Variants in NRG2 observed in about 807,000 individuals in gnomAD.
NRG2 encodes the protein pro-neuregulin-2, membrane-bound isoform.
In NRG2, 27 loss-of-function variants were observed where a neutral mutation model predicts 73.9. The observed-to-expected ratio is 0.37, with a 90% CI of 0.27 to 0.50. NRG2 has a LOEUF of 0.50. Ranked by LOEUF, NRG2 falls within the 20% of genes least tolerant of loss-of-function variation. The pLI is 0.96. For synonymous variants in NRG2, 532 were observed against 541.0 expected (o/e 0.98, Z 0.23); for missense variants, 1,126 against 1,210.1 (o/e 0.93, Z 1.03).
At chr5:140,000,194 G>T (rs1758329879) in intron 1 of NRG2, among the ~76,000 whole-genome samples, 1 of 152,234 alleles carries the variant, frequency 6.6e-6, no homozygotes, top group Non-Finnish European at 1.5e-5. Context: ...GAGGTTCTCA[G>T]ACAAGATATG....
chr5:140,012,350 T>C (rs953386660), intron 1 of NRG2, among the ~76,000 whole-genome samples: 10 of 152,214 alleles, frequency 6.6e-5, no homozygotes, highest in Non-Finnish European at 1.2e-4. Flanking sequence ...CTGGGCTGGA[T>C]TGTAAGCTCT....
At chr5:139,884,823 G>A (rs1240932672) in intron 2 of NRG2, among the ~76,000 whole-genome samples, 1 of 152,228 alleles carries the variant, frequency 6.6e-6, no homozygotes, top group African/African-American at 2.4e-5. Flanking sequence ...AGAGGGGCCT[G>A]TGGTCCAGAA....
Position 140,033,834 on chromosome 5 carries a change from G to A in NRG2, c.700+8536C>T, listed in dbSNP as rs1432098942. ...AAGTGATATGTTAATTATTTTACAT[G>A]CATTATTACATTTAATACTCATAGC... On this transcript the variant is annotated intron_variant, in intron 1 of 9. Transcript: ENST00000361474. Among the ~76,000 whole-genome samples, 3 of 152,090 alleles carry A rather than the reference G, an allele frequency of 2.0e-5. No individual in the cohort carries two copies. The East Asian group carries it at 5.8e-4, about 29-fold the overall frequency.
At chr5:140,030,886 A>G (rs1391643418) in intron 1 of NRG2, among the ~76,000 whole-genome samples, 1 of 152,152 alleles carries the variant, frequency 6.6e-6, no homozygotes, top group Non-Finnish European at 1.5e-5. Context: ...AGACAACTTA[A>G]TGTATATGTT....
chr5:139,974,477 T>C (rs950743466), intron 1 of NRG2, among the ~76,000 whole-genome samples: 13 of 152,160 alleles, frequency 8.5e-5, no homozygotes, highest in Non-Finnish European at 1.8e-4. Flanking sequence ...TTGGGCTAAG[T>C]TGACAACACG....
intron 3 of NRG2, among the ~76,000 whole-genome samples, chr5:139,880,016 G>C (rs1403564014): frequency 1.3e-5 from 2 of 152,154 alleles, no homozygotes; most frequent in African/African-American, 4.8e-5. Flanking sequence ...AATAGAGGCA[G>C]GTAATGACAG....
At position 139,894,764 on chromosome 5, in the gene NRG2, A is replaced by C. The variant is rs1487870842; in HGVS notation, c.701-7253T>G. On this transcript the variant is annotated intron_variant, in intron 1 of 9. Coordinates refer to ENST00000361474, the MANE Select transcript of NRG2 (RefSeq NM_004883.3). This position sits in a 1 kb window ranked among gnomAD's most constrained non-coding sequence, Gnocchi z 5.0. ...ACCAGTCACCAGGGATTTGGTGCCA[A>C]ATAAGACATGGCCCTGGTGTCGGGT... 6.6e-6 allele frequency among the ~76,000 whole-genome samples: 1 copy of C among 152,186 alleles called. No individual in the cohort carries two copies. Among genetic ancestry groups the C allele is most frequent in the Admixed American group, 6.5e-5 (1 of 15,286 alleles).
chr5:139,860,003 C>T (rs1762051573), intron 5 of NRG2: 14 of 1,387,644 alleles, frequency 1.0e-5, no homozygotes, highest in Non-Finnish European at 1.3e-5. Context: ...GAGACAGAAA[C>T]GTTGGTCAGG....
At chr5:140,040,816 T>C (rs1761857815) in intron 1 of NRG2, among the ~76,000 whole-genome samples, 1 of 152,252 alleles carries the variant, frequency 6.6e-6, no homozygotes. Flanking sequence ...AGCTGGTCTC[T>C]ACTTGTCTTT....
In NRG2 at chr5:140,043,119, G is replaced by A. The variant is rs1407126792; in HGVS notation, c.-50C>T. 3.2e-6 allele frequency: 5 copies of A among 1,561,578 alleles called. No homozygotes were observed. Among genetic ancestry groups the A allele is most frequent in the Non-Finnish European group, 4.3e-6 (5 of 1,161,832 alleles). On this transcript the variant is annotated 5_prime_UTR_variant, in exon 1 of 10. Transcript: ENST00000361474. The surrounding 1 kb of genome is among the most constrained non-coding windows in gnomAD (Gnocchi z 6.7). ...CGCCGCTCAGCCGCCGCCGCCTTGG[G>A]AGGGGAAACAGAGCCCGCTGGAAAA...
intron 2 of NRG2, among the ~76,000 whole-genome samples, chr5:139,885,566 G>A (rs1265951713): frequency 6.6e-6 from 1 of 152,156 alleles, no homozygotes; most frequent in Non-Finnish European, 1.5e-5. Flanking sequence ...GTGAGATGGG[G>A]CAACCGCTGG....
Position 139,865,769 on chromosome 5 carries a change from A to T in NRG2, c.1113-144T>A. 2.3e-5 allele frequency: 10 copies of T among 430,816 alleles called. No individual in the cohort carries two copies. The highest frequency in any genetic ancestry group is 1.1e-4 in the East Asian group (2 of 17,836). 26.7% of individuals were successfully genotyped at this position (430,816 alleles called of 1,614,324 possible). ...ACTTGTAGCTGAAGGGACTGGAGTC[A>T]GGGCTGGGTGGAGGGCTCTGAAATC... On this transcript the variant is annotated intron_variant, in intron 4 of 9. Transcript: ENST00000361474. This position sits in a 1 kb window ranked among gnomAD's most constrained non-coding sequence, Gnocchi z 5.2.
rs537124836 is a variant in NRG2, at chr5:139,993,167, A to G, written c.700+49203T>C. 2.6e-5 allele frequency among the ~76,000 whole-genome samples: 4 copies of G among 152,058 alleles called. No homozygotes were observed. In the East Asian group the frequency reaches 7.7e-4, roughly 29 times the overall value. On this transcript the variant is annotated intron_variant, in intron 1 of 9. Transcript: ENST00000361474. ...CTCTCTTTTGTTAATAATGTAAATT[A>G]CCTTTAGGGAGAACAGTCCTCCTCA...
intron 5 of NRG2, among the ~76,000 whole-genome samples, chr5:139,863,909 T>G (rs1762308847): frequency 1.3e-5 from 2 of 152,200 alleles, no homozygotes; most frequent in South Asian, 4.1e-4. Context: ...GGGAGTAACT[T>G]GCTGGACTTT....
At chr5:140,041,965 G>A (rs1263931235) in intron 1 of NRG2, among the ~76,000 whole-genome samples, 1 of 151,972 alleles carries the variant, frequency 6.6e-6, no homozygotes, top group African/African-American at 2.4e-5. Flanking sequence ...GCCTGGGCAC[G>A]GCAGGCCCGC....
At chr5:139,968,174 C>T (rs180849507) in intron 1 of NRG2, among the ~76,000 whole-genome samples, 20 of 152,202 alleles carry the variant, frequency 1.3e-4, no homozygotes, top group African/African-American at 4.1e-4. Context: ...ATAGTCCCGT[C>T]CCAATGAAAT....
rs116671587 is a variant in NRG2, at chr5:139,957,928, C to T, written c.701-70417G>A. 9.3e-4 allele frequency among the ~76,000 whole-genome samples: 142 copies of T among 152,140 alleles called. 1 individual carries two copies. Among genetic ancestry groups the T allele is most frequent in the African/African-American group, 3.3e-3 (136 of 41,480 alleles). ...GGAGAGCCTTTCCACTTCCTATGGGCGCTTAAGCCATCATTGCTTCATTCT... is the reference window on the plus strand; with the variant it reads ...GGAGAGCCTTTCCACTTCCTATGGGTGCTTAAGCCATCATTGCTTCATTCT... On this transcript the variant is annotated intron_variant, in intron 1 of 9. Transcript: ENST00000361474.
chr5:140,033,627 C>G (rs1311096747), intron 1 of NRG2, among the ~76,000 whole-genome samples: 1 of 152,196 alleles, frequency 6.6e-6, no homozygotes, highest in East Asian at 1.9e-4. Flanking sequence ...TTCTCACCAC[C>G]ACCTCCACCA....
intron 1 of NRG2, among the ~76,000 whole-genome samples, chr5:139,992,115 T>C (rs979453490): frequency 6.6e-6 from 1 of 152,236 alleles, no homozygotes; most frequent in Non-Finnish European, 1.5e-5. Context: ...TTATCCTATC[T>C]ATGAAAGTGT....
Sources: allele counts gnomAD v4.1 joint callset (sites outside exome capture counted in the v4.1 genomes callset), GRCh38; gene constraint gnomAD v4.1.1; non-coding constraint Gnocchi (gnomAD v3.1); transcripts MANE v1.5; gene names NCBI Gene and HGNC (gene_info 2026-07-23, HGNC 2026-07-21).